PCDHB5: variants seen among roughly 807,000 people sequenced by gnomAD.
PCDHB5 encodes protocadherin beta-5.
For synonymous variants in PCDHB5, 569 were observed against 462.2 expected (o/e 1.23, Z -2.96); for missense variants, 1,125 against 1,029.4 (o/e 1.09, Z -1.27).
chr5:141,136,826 C>T lies in PCDHB5; in HGVS notation c.1392C>T (p.Ser464=). Residue 464 remains serine (S), a synonymous_variant, in exon 1 of 1, where the codon AGC becomes AGT. Transcript: ENST00000231134. The stretch of plus-strand genomic sequence containing the variant: ...CCCTGTTCGTCCGAGAGAACAACAG[C>T]CCCGCCCTGCACATCGGCAGTGTCA... ...SYTLFVRENN[S]PALHIGSVSA... 6.2e-7 allele frequency: 1 copy of T among 1,613,414 alleles called. No individual in the cohort carries two copies. Among genetic ancestry groups the T allele is most frequent in the Non-Finnish European group, 8.5e-7 (1 of 1,180,030 alleles).
chr5:141,137,021 C>T lies in PCDHB5; in HGVS notation c.1587C>T (p.Arg529=), dbSNP rs781920885. 1 of 1,612,148 alleles carries T rather than the reference C, an allele frequency of 6.2e-7. No homozygotes were observed. The highest frequency in any genetic ancestry group is 8.5e-7 in the Non-Finnish European group (1 of 1,179,838). The change falls in exon 1 of 1, where the codon CGC becomes CGT. Residue 529 remains arginine (R), a synonymous_variant. Transcript: ENST00000231134. ...AGGCCCTGCAGGCGTTCGAGTTCCGCGTGGGAGCCACAGACCGCGGCTCCC... is the reference window on the plus strand; with the variant it reads ...AGGCCCTGCAGGCGTTCGAGTTCCGTGTGGGAGCCACAGACCGCGGCTCCC... The part of the protein sequence containing the change: ...DYEALQAFEF[R]VGATDRGSPA...
At position 141,137,132 on chromosome 5, in the gene PCDHB5, C is replaced by T. The variant is rs138959137; in HGVS notation, c.1698C>T (p.Asn566=). ...NSPFVLYPLQ[N]GSAPCTELVP... ...CCTTCGTGCTGTATCCGCTGCAGAA[C>T]GGCTCGGCGCCTTGCACCGAGCTGG... The change falls in exon 1 of 1, where the codon AAC becomes AAT. Residue 566 remains asparagine (N), a synonymous_variant. Transcript: ENST00000231134. 4.3e-5 allele frequency: 69 copies of T among 1,611,028 alleles called. No homozygotes were observed. Among genetic ancestry groups the T allele is most frequent in the Non-Finnish European group, 5.5e-5 (65 of 1,179,554 alleles).
chr5:141,137,359 T>C lies in PCDHB5; in HGVS notation c.1925T>C (p.Leu642Pro), dbSNP rs1266554354. The change falls in exon 1 of 1, where the codon CTG becomes CCG. Residue 642 changes from leucine (L) to proline (P), a missense_variant. Coordinates refer to ENST00000231134, the MANE Select transcript of PCDHB5 (RefSeq NM_015669.5). ...GCGGCCAAGCACAGGCTGGTGGTGC[T>C]GGTCAAGGACAATGGCGAGCCTCCG... ...RDAAKHRLVV[L>P]VKDNGEPPRS... 9 of 1,609,866 alleles carry C rather than the reference T, an allele frequency of 5.6e-6. No homozygotes were observed. The Admixed American group carries it at 1.3e-4, about 24-fold the overall frequency.
chr5:141,137,152 A>T lies in PCDHB5; in HGVS notation c.1718A>T (p.Glu573Val), dbSNP rs1448292343. 6.2e-7 allele frequency: 1 copy of T among 1,610,608 alleles called. No homozygotes were observed. The highest frequency in any genetic ancestry group is 1.7e-5 in the Admixed American group (1 of 59,974). The change falls in exon 1 of 1, where the codon GAG becomes GTG. Residue 573 changes from glutamate to valine, a missense_variant. Transcript: ENST00000231134. ...CAGAACGGCTCGGCGCCTTGCACCG[A>T]GCTGGTGCCCCGGGCGGCCGAGCCG... Reference protein sequence around the residue: ...PLQNGSAPCTELVPRAAEPGY... With the variant: ...PLQNGSAPCTVLVPRAAEPGY...
At position 141,137,063 on chromosome 5, in the gene PCDHB5, G is replaced by A. The variant is rs1554276093; in HGVS notation, c.1629G>A (p.Glu543=). 2.5e-6 allele frequency: 4 copies of A among 1,611,596 alleles called. No individual in the cohort carries two copies. The highest frequency in any genetic ancestry group is 3.4e-6 in the Non-Finnish European group (4 of 1,179,690). Residue 543 remains glutamate, a synonymous_variant, in exon 1 of 1, where the codon GAG becomes GAA. Transcript: ENST00000231134. ...TDRGSPALSS[E]ALVRVLVLDA... is the part of the protein sequence containing the mutation. ...GCGGCTCCCCGGCGCTGAGCAGCGAGGCGCTGGTGCGCGTGCTGGTGCTGG... is the reference window on the plus strand; with the variant it reads ...GCGGCTCCCCGGCGCTGAGCAGCGAAGCGCTGGTGCGCGTGCTGGTGCTGG...
Position 141,138,175 on chromosome 5 carries a change from T to C in PCDHB5, c.*353T>C. The C allele has an allele frequency of 5.3e-6, 1 of 188,180 alleles. No individual in the cohort carries two copies. Among genetic ancestry groups the C allele is most frequent in the Admixed American group, 5.9e-5 (1 of 16,954 alleles). 11.7% of individuals were successfully genotyped at this position (188,180 alleles called of 1,614,324 possible). A position where few individuals can be genotyped will look rare whatever the true frequency, so the allele number is the denominator to read the frequency against. On this transcript the variant is annotated 3_prime_UTR_variant, in exon 1 of 1. Coordinates refer to ENST00000231134, the MANE Select transcript of PCDHB5 (RefSeq NM_015669.5). The stretch of plus-strand genomic sequence containing the variant: ...TCATCACACTCTTAAGTATTATATA[T>C]TTGATGCTAAAATGCAAAAATTAAA...
In PCDHB5 at chr5:141,136,602, T is replaced by C. The variant is rs782168446; in HGVS notation, c.1168T>C (p.Phe390Leu). The change falls in exon 1 of 1, where the codon TTT (phenylalanine) becomes CTT (leucine). Residue 390 changes from phenylalanine to leucine, a missense_variant. Coordinates refer to ENST00000231134, the MANE Select transcript of PCDHB5 (RefSeq NM_015669.5). ...MICSIQNDLP[F>L]LLKPTLKNFY... ...TTGCTCCATCCAGAATGATCTCCCC[T>C]TTCTTTTGAAGCCCACATTAAAAAA... 13 of 1,614,132 alleles carry C rather than the reference T, an allele frequency of 8.1e-6. No individual in the cohort carries two copies. Among genetic ancestry groups the C allele is most frequent in the East Asian group, 6.7e-5 (3 of 44,878 alleles).
At position 141,135,504 on chromosome 5, in the gene PCDHB5, T is replaced by C. The variant is rs1554275686; in HGVS notation, c.70T>C (p.Trp24Arg). The change falls in exon 1 of 1, where the codon TGG becomes CGG. Residue 24 changes from tryptophan (W) to arginine (R), a missense_variant. By Grantham distance (101) the Trp-to-Arg change is moderately radical. Coordinates refer to ENST00000231134, the MANE Select transcript of PCDHB5 (RefSeq NM_015669.5). The part of the protein sequence containing the change: ...VMFLAILLLL[W>R]EAGSEAVRYS... ...GTTTCTTGCTATATTGTTGCTTTTG[T>C]GGGAGGCTGGCTCTGAGGCAGTTAG... is the stretch of plus-strand genomic sequence containing the variant. 1 of 1,613,914 alleles carries C rather than the reference T, an allele frequency of 6.2e-7. No homozygotes were observed. The highest frequency in any genetic ancestry group is 8.5e-7 in the Non-Finnish European group (1 of 1,179,986).
rs1752633822 is a variant in PCDHB5 at position 141,137,783 on chromosome 5, G to T, written c.2349G>T (p.Gly783=). ...CCCAGGGCGCTGGTGAAGAAATAGG[G>T]AAAACTGCTGCCTTCCGGAATAGCT... is the stretch of plus-strand genomic sequence containing the variant. ...LLPQGAGEEI[G]KTAAFRNSFG... The change falls in exon 1 of 1, where the codon GGG becomes GGT. Residue 783 remains glycine (G), a synonymous_variant. Coordinates refer to ENST00000231134, the MANE Select transcript of PCDHB5 (RefSeq NM_015669.5). The T allele has an allele frequency of 6.2e-7, 1 of 1,612,100 alleles. No homozygotes were observed. Among genetic ancestry groups the T allele is most frequent in the Admixed American group, 1.7e-5 (1 of 59,672 alleles).
chr5:141,136,509 G>A lies in PCDHB5; in HGVS notation c.1075G>A (p.Ala359Thr). The change falls in exon 1 of 1, where the codon GCC becomes ACC. Residue 359 changes from alanine (A) to threonine (T), a missense_variant. By Grantham distance (58) the Ala-to-Thr change is moderately conservative. Coordinates refer to ENST00000231134, the MANE Select transcript of PCDHB5 (RefSeq NM_015669.5). ...STLSSPTPEN[A>T]PETVVAVFSV... is the part of the protein sequence containing the mutation. ...GCTCTCCAGCCCTACCCCAGAAAAT[G>A]CCCCGGAAACTGTAGTTGCCGTTTT... 1 of 1,614,030 alleles carries A rather than the reference G, an allele frequency of 6.2e-7. No homozygotes were observed. The highest frequency in any genetic ancestry group is 1.1e-5 in the South Asian group (1 of 91,050).
chr5:141,135,955 C>G lies in PCDHB5; in HGVS notation c.521C>G (p.Pro174Arg). Residue 174 changes from proline (P) to arginine (R), a missense_variant, in exon 1 of 1, where the codon CCA becomes CGA. By Grantham distance (103) the Pro-to-Arg change is moderately radical. Transcript: ENST00000231134. ...SNTVQNYTIS[P>R]NSHFHVATHN... Reference sequence around the variant, plus strand: ...ACTGTTCAGAACTACACAATCAGCCCAAATTCACACTTTCATGTTGCTACG... The same window carrying G: ...ACTGTTCAGAACTACACAATCAGCCGAAATTCACACTTTCATGTTGCTACG... 1 of 1,614,198 alleles carries G rather than the reference C, an allele frequency of 6.2e-7. No individual in the cohort carries two copies. Among genetic ancestry groups the G allele is most frequent in the South Asian group, 1.1e-5 (1 of 91,078 alleles).
In PCDHB5 at chr5:141,135,569, G is replaced by T. The variant is rs900732584; in HGVS notation, c.135G>T (p.Val45=). 6.2e-7 allele frequency: 1 copy of T among 1,614,014 alleles called. No individual in the cohort carries two copies. The highest frequency in any genetic ancestry group is 8.5e-7 in the Non-Finnish European group (1 of 1,180,014). The change falls in exon 1 of 1, where the codon GTG becomes GTT. Residue 45 remains valine, a synonymous_variant. Coordinates refer to ENST00000231134, the MANE Select transcript of PCDHB5 (RefSeq NM_015669.5). ...AAGAAACAGAAAGTGGCTATTCTGT[G>T]GCCAACCTGGCAAAAGACCTGGGTC... is the stretch of plus-strand genomic sequence containing the variant. ...IPEETESGYS[V]ANLAKDLGLG...
In PCDHB5 at chr5:141,136,707, A is replaced by C; in HGVS notation, c.1273A>C (p.Met425Leu). The change falls in exon 1 of 1, where the codon ATG becomes CTG. Residue 425 changes from methionine (M) to leucine (L), a missense_variant. Met to Leu is a conservative substitution (Grantham distance 15). Transcript: ENST00000231134. ...CAACATCACCATCACTGTCACCGAC[A>C]TGGGGACACCCAGGCTGAAAACCGA... ...EYNITITVTDMGTPRLKTEHN... is the reference protein window; with the variant it reads ...EYNITITVTDLGTPRLKTEHN... 6.2e-7 allele frequency: 1 copy of C among 1,614,164 alleles called. No individual in the cohort carries two copies. Among genetic ancestry groups the C allele is most frequent in the African/African-American group, 1.3e-5 (1 of 75,036 alleles).
chr5:141,136,822 A>G lies in PCDHB5; in HGVS notation c.1388A>G (p.Asn463Ser), dbSNP rs782096443. 1.2e-6 allele frequency: 2 copies of G among 1,613,486 alleles called. No individual in the cohort carries two copies. Among genetic ancestry groups the G allele is most frequent in the Non-Finnish European group, 1.7e-6 (2 of 1,180,028 alleles). The change falls in exon 1 of 1, where the codon AAC (asparagine) becomes AGC (serine). Residue 463 changes from asparagine to serine, a missense_variant. By Grantham distance (46) the Asn-to-Ser change is conservative. Coordinates refer to ENST00000231134, the MANE Select transcript of PCDHB5 (RefSeq NM_015669.5). ...TACACCCTGTTCGTCCGAGAGAACA[A>G]CAGCCCCGCCCTGCACATCGGCAGT... ...TSYTLFVREN[N>S]SPALHIGSVS...
Position 141,137,592 on chromosome 5 carries a change from C to T in PCDHB5, c.2158C>T (p.Pro720Ser), listed in dbSNP as rs400562. The change falls in exon 1 of 1, where the codon CCG becomes TCG. Residue 720 changes from proline to serine, a missense_variant. Physicochemically the swap from Pro to Ser is moderately conservative, Grantham distance 74. Transcript: ENST00000231134. ...GCTGTGCAGGAGGAGCAGGGCGGCC[C>T]CGGTCGGTCGCTGCTCGGTGCCCGA... ...VRLCRRSRAA[P>S]VGRCSVPEGP... 0.18 allele frequency: 283,618 copies of T among 1,612,936 alleles called. 26,006 individuals carry two copies. Among genetic ancestry groups the T allele is most frequent in the Middle Eastern group, 0.23 (1,185 of 5,180 alleles).
rs1752547830 is a variant in PCDHB5, at chr5:141,135,556, G to T, written c.122G>T (p.Ser41Ile). ...TATTCCATACCAGAAGAAACAGAAA[G>T]TGGCTATTCTGTGGCCAACCTGGCA... ...VRYSIPEETE[S>I]GYSVANLAKD... The change falls in exon 1 of 1, where the codon AGT becomes ATT. Residue 41 changes from serine to isoleucine, a missense_variant. Transcript: ENST00000231134. The T allele has an allele frequency of 6.2e-7, 1 of 1,614,040 alleles. No homozygotes were observed. Among genetic ancestry groups the T allele is most frequent in the Admixed American group, 1.7e-5 (1 of 60,000 alleles).
chr5:141,137,884 CGA>C lies in PCDHB5; in HGVS notation c.*66_*67del. On this transcript the variant is annotated 3_prime_UTR_variant, in exon 1 of 1. Coordinates refer to ENST00000231134, the MANE Select transcript of PCDHB5 (RefSeq NM_015669.5). Reference sequence around the variant, plus strand: ...CCCAAACTTTTTCAGATCTAGAATTCGAGAGTGTCATGGACAAAAATTTCACC... The same window carrying C: ...CCCAAACTTTTTCAGATCTAGAATTCGAGTGTCATGGACAAAAATTTCACC... The C allele has an allele frequency of 6.9e-6, 10 of 1,458,446 alleles. No individual in the cohort carries two copies. The highest frequency in any genetic ancestry group is 2.2e-5 in the Admixed American group (1 of 44,982). The allele number at this position is 1,458,446 out of a possible 1,614,324, so 90.3% of individuals were successfully genotyped here.
Position 141,137,617 on chromosome 5 carries a change from A to G in PCDHB5, c.2183A>G (p.Glu728Gly), listed in dbSNP as rs782503541. 74 of 1,613,546 alleles carry G rather than the reference A, an allele frequency of 4.6e-5. No individual in the cohort carries two copies. Among genetic ancestry groups the G allele is most frequent in the Non-Finnish European group, 6.0e-5 (71 of 1,180,028 alleles). ...AAPVGRCSVP[E>G]GPFPGHLVDV... ...CCGGTCGGTCGCTGCTCGGTGCCCG[A>G]GGGCCCCTTTCCAGGGCATCTGGTG... The change falls in exon 1 of 1, where the codon GAG becomes GGG. Residue 728 changes from glutamate (E) to glycine (G), a missense_variant. By Grantham distance (98) the Glu-to-Gly change is moderately conservative. Coordinates refer to ENST00000231134, the MANE Select transcript of PCDHB5 (RefSeq NM_015669.5).
chr5:141,137,384 G>T lies in PCDHB5; in HGVS notation c.1950G>T (p.Pro650=), dbSNP rs782680483. Residue 650 remains proline, a synonymous_variant, in exon 1 of 1, where the codon CCG becomes CCT. Coordinates refer to ENST00000231134, the MANE Select transcript of PCDHB5 (RefSeq NM_015669.5). ...VVLVKDNGEP[P]RSATATLHVL... ...TGGTCAAGGACAATGGCGAGCCTCC[G>T]CGCTCGGCCACCGCCACGCTGCACG... 1.4e-5 allele frequency: 23 copies of T among 1,609,230 alleles called. No individual in the cohort carries two copies. Among genetic ancestry groups the T allele is most frequent in the Admixed American group, 3.3e-5 (2 of 59,916 alleles).
Sources: allele counts gnomAD v4.1 joint callset, GRCh38; gene constraint gnomAD v4.1.1; transcripts MANE v1.5; gene names NCBI Gene and HGNC (gene_info 2026-07-23, HGNC 2026-07-21).